UQCC6: variants seen among roughly 807,000 people sequenced by gnomAD.
UQCC6 encodes ubiquinol-cytochrome c reductase complex assembly factor 6.
chr12:103,955,938 C>G, the UQCC6 span, among the ~76,000 whole-genome samples: 2 of 152,180 alleles, frequency 1.3e-5, no homozygotes, highest in Admixed American at 1.3e-4. Context: ...GTCACTCATC[C>G]TTCATTCAAC....
the UQCC6 span, among the ~76,000 whole-genome samples, chr12:103,963,048 T>C: frequency 6.6e-6 from 1 of 151,926 alleles, no homozygotes; most frequent in East Asian, 1.9e-4. Flanking sequence ...TGATATATAT[T>C]TCTCTCTCTT....
At chr12:103,960,208 T>C in the UQCC6 span, among the ~76,000 whole-genome samples, 29 of 152,090 alleles carry the variant, frequency 1.9e-4, no homozygotes, top group Non-Finnish European at 3.2e-4. Context: ...GTAGCTTGAA[T>C]TACAGGCAGG....
chr12:103,957,850 C>T, the UQCC6 span, among the ~76,000 whole-genome samples: 1 of 149,686 alleles, frequency 6.7e-6, no homozygotes, highest in Admixed American at 6.7e-5. Flanking sequence ...TGAGACCAGC[C>T]TGGCCAACAT....
chr12:103,960,726 T>C, the UQCC6 span, among the ~76,000 whole-genome samples: 1 of 152,156 alleles, frequency 6.6e-6, no homozygotes, highest in Non-Finnish European at 1.5e-5. Flanking sequence ...GGTGGCCCCA[T>C]AAGATTACAA....
At chr12:103,962,545 A>C in the UQCC6 span, among the ~76,000 whole-genome samples, 1 of 152,156 alleles carries the variant, frequency 6.6e-6, no homozygotes, top group Non-Finnish European at 1.5e-5. Context: ...AAGAGGTGGA[A>C]GCTCTTCTCC....
At chr12:103,954,634 C>A in the UQCC6 span, 1 of 337,890 alleles carries the variant, frequency 3.0e-6, no homozygotes, top group East Asian at 5.5e-5. Flanking sequence ...GATCACATTT[C>A]GGCGTGAAAT....
At chr12:103,965,485 C>G in the UQCC6 span, 1 of 152,552 alleles carries the variant, frequency 6.6e-6, no homozygotes, top group East Asian at 1.9e-4. Context: ...AGGTTTTCCA[C>G]TTTCAAAGAC....
the UQCC6 span, among the ~76,000 whole-genome samples, chr12:103,960,629 A>G: frequency 1.3e-5 from 2 of 152,244 alleles, no homozygotes; most frequent in African/African-American, 4.8e-5. Flanking sequence ...CCATATTAAA[A>G]ATTTTAAATG....
At chr12:103,961,537 T>TTGTTG in the UQCC6 span, among the ~76,000 whole-genome samples, 1 of 150,456 alleles carries the variant, frequency 6.6e-6, no homozygotes, top group East Asian at 2.0e-4. Context: ...ACTGTTTGGT[T>TTGTTG]TTGTTGTTGT....
the UQCC6 span, chr12:103,951,748 T>C: frequency 6.8e-6 from 4 of 591,554 alleles, no homozygotes; most frequent in Non-Finnish European, 1.2e-5. Context: ...TGCTTGCTAC[T>C]CAATGATAAC....
At chr12:103,950,735 T>C in the UQCC6 span, 2 of 152,226 alleles carry the variant, frequency 1.3e-5, no homozygotes, top group African/African-American at 2.4e-5. Flanking sequence ...GAAATAAAGA[T>C]GGCATTTTTA....
At chr12:103,956,609 ATAG>A in the UQCC6 span, 2 of 1,480,796 alleles carry the variant, frequency 1.4e-6, no homozygotes, top group African/African-American at 1.4e-5. Flanking sequence ...CAAAAATAAA[ATAG>A]TAGCCCTCCC....
At chr12:103,962,811 G>A in the UQCC6 span, among the ~76,000 whole-genome samples, 3 of 152,366 alleles carry the variant, frequency 2.0e-5, no homozygotes, top group Non-Finnish European at 4.4e-5. Flanking sequence ...CAGTCTTGGA[G>A]TTGTAACACT....
the UQCC6 span, among the ~76,000 whole-genome samples, chr12:103,963,487 T>C: frequency 6.6e-6 from 1 of 152,242 alleles, no homozygotes. Context: ...TTTAGAATCA[T>C]TTTGTCAATT....
the UQCC6 span, among the ~76,000 whole-genome samples, chr12:103,958,811 A>G: frequency 1.5e-4 from 23 of 152,372 alleles, no homozygotes; most frequent in Non-Finnish European, 2.8e-4. Context: ...TGAGTCACAT[A>G]CGGTTACAAC....
the UQCC6 span, chr12:103,957,029 G>A: frequency 7.0e-6 from 3 of 426,710 alleles, no homozygotes; most frequent in Non-Finnish European, 1.3e-5. Flanking sequence ...ATCAGCAAGC[G>A]GAAAACCGAT....
chr12:103,956,698 A>T, the UQCC6 span: 1 of 1,551,722 alleles, frequency 6.4e-7, no homozygotes, highest in Non-Finnish European at 8.7e-7. Flanking sequence ...ACTGGCTGCG[A>T]ACATTTTCAG....
chr12:103,964,476 G>A, the UQCC6 span, among the ~76,000 whole-genome samples: 3 of 152,182 alleles, frequency 2.0e-5, no homozygotes, highest in Admixed American at 2.0e-4. Context: ...GGTCTCTTGA[G>A]GTTATGAATG....
the UQCC6 span, among the ~76,000 whole-genome samples, chr12:103,963,967 T>G: frequency 6.6e-6 from 1 of 151,962 alleles, no homozygotes; most frequent in Admixed American, 6.6e-5. Flanking sequence ...GTTTCCAGAT[T>G]GCTAAAAGCT....
Sources: allele counts gnomAD v4.1 joint callset (sites outside exome capture counted in the v4.1 genomes callset), GRCh38; gene constraint gnomAD v4.1.1; transcripts MANE v1.5; gene names NCBI Gene and HGNC (gene_info 2026-07-23, HGNC 2026-07-21).